Variants in MYPN observed in about 807,000 individuals in gnomAD.
MYPN encodes the protein sarcomeric protein myopalladin, 145 kDa (MYOP).
MYPN carries 63 observed loss-of-function variants against 129.4 expected under a neutral mutation model. That is an observed-to-expected ratio of 0.49 (90% CI 0.40 to 0.60). The LOEUF (loss-of-function observed/expected upper bound fraction) is 0.60, where lower values mean the gene tolerates loss of function less well. Ranked by LOEUF, MYPN falls within the 20% of genes least tolerant of loss-of-function variation. The pLI, the probability that MYPN is intolerant of heterozygous loss-of-function variation, is 0.00. For missense variants in MYPN, 1,596 were observed against 1,635.4 expected, an observed-to-expected ratio of 0.98 and a Z score of 0.42; for synonymous variants, 629 against 600.9, an observed-to-expected ratio of 1.05 and a Z score of -0.68.
At chr10:68,096,466 G>T (rs2041957064) in intron 1 of MYPN, among the ~76,000 whole-genome samples, 1 of 152,194 alleles carries the variant, frequency 6.6e-6, no homozygotes, top group Non-Finnish European at 1.5e-5. Flanking sequence ...GGAGACTGAG[G>T]CAGGAGAATC....
chr10:68,106,213 G>A (rs2042010995), upstream of MYPN: 1 of 452,554 alleles, frequency 2.2e-6, no homozygotes, highest in South Asian at 1.6e-5. Context: ...TCAGGATAAT[G>A]TTTTAAAGTG....
chr10:68,147,827 A>G (rs1026142399), intron 4 of MYPN, among the ~76,000 whole-genome samples: 1 of 152,180 alleles, frequency 6.6e-6, no homozygotes, highest in African/African-American at 2.4e-5. Context: ...TTGCCCTTCA[A>G]ATACTCTCTT....
rs540854457 is a variant in MYPN, at chr10:68,174,355, C to G, written c.2263C>G (p.Gln755Glu). ...TTTGAGCAGCACTCCTCAAACTATT[C>G]AGAGGACAGTGAGCAAAGAAAGCCT... ...FTLSSTPQTIQRTVSKESLLV... is the reference protein window; with the variant it reads ...FTLSSTPQTIERTVSKESLLV... The change falls in exon 11 of 20, where the codon CAG becomes GAG. Residue 755 changes from glutamine to glutamate, a missense_variant. By Grantham distance (29) the Gln-to-Glu change is conservative. Transcript: ENST00000358913. The G allele has an allele frequency of 2.5e-6, 4 of 1,614,170 alleles. No individual in the cohort carries two copies. In the Admixed American group the frequency reaches 6.7e-5, roughly 27 times the overall value.
At chr10:68,122,507 G>C (rs1247250781) in intron 2 of MYPN, among the ~76,000 whole-genome samples, 167 bp downstream of exon 2, 1 of 152,176 alleles carries the variant, frequency 6.6e-6, no homozygotes, top group East Asian at 1.9e-4. Flanking sequence ...ACCTAGTCAC[G>C]TATGTAGTTT....
intron 4 of MYPN, among the ~76,000 whole-genome samples, chr10:68,146,845 T>C (rs1393646158): frequency 6.6e-6 from 1 of 152,204 alleles, no homozygotes; most frequent in Non-Finnish European, 1.5e-5. Flanking sequence ...TGCAGTGAAT[T>C]TTGGGATATG....
intron 6 of MYPN, among the ~76,000 whole-genome samples, chr10:68,157,702 C>T (rs113018015): frequency 4.7e-5 from 7 of 148,484 alleles, no homozygotes; most frequent in African/African-American, 1.2e-4. Flanking sequence ...ATTAGCCGGG[C>T]GTGGTGACCT....
rs142114433 is a variant in MYPN, at chr10:68,094,161, C to G, written c.-2+6169C>G. 2.9e-3 allele frequency among the ~76,000 whole-genome samples: 442 copies of G among 152,230 alleles called. 1 individual carries two copies. Among genetic ancestry groups the G allele is most frequent in the African/African-American group, 0.01 (430 of 41,512 alleles). On this transcript the variant is annotated intron_variant, in intron 1 of 6. Transcript: ENST00000685154. The stretch of plus-strand genomic sequence containing the variant: ...TCAGCAGTATCTTTACGATCTATAT[C>G]TTGTGAAACCAATCCTGCCCGCCTT...
chr10:68,177,591 C>G (rs1441245939), intron 12 of MYPN, among the ~76,000 whole-genome samples: 1 of 152,134 alleles, frequency 6.6e-6, no homozygotes, highest in Non-Finnish European at 1.5e-5. Context: ...GTAAAAACAT[C>G]ATGAAGAACT....
chr10:68,187,914 G>C (rs2043446810), intron 12 of MYPN, among the ~76,000 whole-genome samples: 1 of 152,160 alleles, frequency 6.6e-6, no homozygotes, highest in Non-Finnish European at 1.5e-5. Context: ...ATTAGATGTG[G>C]CATATTTGGA....
intron 2 of MYPN, among the ~76,000 whole-genome samples, chr10:68,134,089 C>T (rs1254518325): frequency 1.3e-5 from 2 of 152,112 alleles, no homozygotes; most frequent in Non-Finnish European, 2.9e-5. Flanking sequence ...AAATCTATAA[C>T]ATGCAAAAAT....
intron 1 of MYPN, among the ~76,000 whole-genome samples, chr10:68,120,241 T>C (rs1206344560): frequency 6.6e-6 from 1 of 152,130 alleles, no homozygotes; most frequent in Admixed American, 6.6e-5. Context: ...AGTCACAAAT[T>C]TGCCATCCTT....
chr10:68,175,357 T>C lies in MYPN; in HGVS notation c.2599T>C (p.Ser867Pro). The C allele has an allele frequency of 1.2e-6, 2 of 1,613,780 alleles. No individual in the cohort carries two copies. Among genetic ancestry groups the C allele is most frequent in the Non-Finnish European group, 1.7e-6 (2 of 1,179,924 alleles). The change falls in exon 12 of 20, where the codon TCT becomes CCT. Residue 867 changes from serine to proline, a missense_variant. Physicochemically the swap from Ser to Pro is moderately conservative, Grantham distance 74. Transcript: ENST00000358913. ...GGGATTAGCGAAGAAAAATACAAAGTCTCCTCAACCAGTGAATGATGATAA... is the reference window on the plus strand; with the variant it reads ...GGGATTAGCGAAGAAAAATACAAAGCCTCCTCAACCAGTGAATGATGATAA... Reference protein sequence around the residue: ...SQGLAKKNTKSPQPVNDDNIR... With the variant: ...SQGLAKKNTKPPQPVNDDNIR...
At chr10:68,180,421 A>C (rs2043296537) in intron 12 of MYPN, among the ~76,000 whole-genome samples, 2 of 152,218 alleles carry the variant, frequency 1.3e-5, no homozygotes. Flanking sequence ...CCTGAGCTCA[A>C]GCGATCCACC....
chr10:68,148,722 G>A (rs1426139459), intron 5 of MYPN, among the ~76,000 whole-genome samples: 1 of 152,166 alleles, frequency 6.6e-6, no homozygotes, highest in Non-Finnish European at 1.5e-5. Flanking sequence ...TTTATAAAGG[G>A]TGCTGATTAC....
intron 17 of MYPN, 82 bp from the exon 18 acceptor site, chr10:68,201,747 C>T (rs1415906102): frequency 2.7e-5 from 41 of 1,529,058 alleles, no homozygotes; most frequent in Non-Finnish European, 3.4e-5. Context: ...TGCCACCACA[C>T]TCCAGCCTGG....
intron 4 of MYPN, among the ~76,000 whole-genome samples, chr10:68,146,122 T>TA (rs140886047): frequency 0.07 from 10,672 of 152,130 alleles, 942 homozygotes; most frequent in African/African-American, 0.21. Context: ...CAGCAACATT[T>TA]AAAAAAAATC....
intron 7 of MYPN, 73 bp downstream of exon 7, chr10:68,158,700 C>A: frequency 9.1e-7 from 1 of 1,094,794 alleles, no homozygotes. Context: ...ATTTTTATAA[C>A]TTTTTAACAA....
At chr10:68,118,386 A>G (rs563484782) in intron 1 of MYPN, among the ~76,000 whole-genome samples, 63 of 152,206 alleles carry the variant, frequency 4.1e-4, no homozygotes, top group Non-Finnish European at 7.8e-4. Context: ...CCAAAGCTCA[A>G]ATAAGTTAAC....
Position 68,197,467 on chromosome 10 carries a change from C to T in MYPN, c.3274C>T (p.Leu1092=). 1 of 1,613,772 alleles carries T rather than the reference C, an allele frequency of 6.2e-7. No homozygotes were observed. The highest frequency in any genetic ancestry group is 1.3e-5 in the African/African-American group (1 of 75,000). The change falls in exon 16 of 20, where the codon CTG becomes TTG. Residue 1092 remains leucine (L), a synonymous_variant. Transcript: ENST00000358913. ...MVAHEGRLCR[L]DCKVSGLPPP... ...AGCTCATGAGGGGCGCCTCTGTCGG[C>T]TGGACTGTAAGGTAGACTCCAGCAC...
Sources: gnomAD v4.1 joint callset for allele counts (sites outside exome capture counted in the v4.1 genomes callset) on GRCh38, gnomAD v4.1.1 for gene constraint, MANE v1.5 for transcripts, NCBI Gene and HGNC (gene_info 2026-07-23, HGNC 2026-07-21) for gene names.